THSD1: variants seen among roughly 807,000 people sequenced by gnomAD.
THSD1 encodes thrombospondin type-1 domain-containing protein 1.
A neutral mutation model predicts 46.3 loss-of-function variants in THSD1; 34 were observed. The observed-to-expected ratio is 0.74, with a 90% CI of 0.56 to 0.98. The LOEUF (loss-of-function observed/expected upper bound fraction) is 0.98. Among genes scored for constraint, THSD1 ranks in the 50% least tolerant of loss-of-function variants. THSD1 has a pLI of 0.00. For synonymous variants in THSD1, 407 were observed against 416.5 expected (o/e 0.98, Z 0.28); for missense variants, 1,023 against 1,058.3 (o/e 0.97, Z 0.46).
intron 2 of THSD1, among the ~76,000 whole-genome samples, chr13:52,400,945 G>A (rs532713395): frequency 9.0e-4 from 135 of 150,056 alleles, no homozygotes; most frequent in African/African-American, 3.4e-3. Flanking sequence ...GTTACATGTA[G>A]AGTAATCTGT....
At position 52,398,125 on chromosome 13, in the gene THSD1, T is replaced by A. The variant is rs765343717; in HGVS notation, c.128A>T (p.Tyr43Phe). Residue 43 changes from tyrosine (Y) to phenylalanine (F), a missense_variant, in exon 3 of 5, where the codon TAT (tyrosine) becomes TTT (phenylalanine). This residue lies in a region of THSD1 where 429 missense variants were observed against 518.3 expected (regional missense o/e 0.83). Coordinates refer to ENST00000258613, the MANE Select transcript of THSD1 (RefSeq NM_018676.4). ...ACCATCAAAATACTGGAAATCCACA[T>A]ACACTGTGTCGTTGCTTAGTGCTAC... is the stretch of plus-strand genomic sequence containing the variant. ...GHVALSNDTV[Y>F]VDFQYFDGAN... 9.3e-6 allele frequency: 15 copies of A among 1,614,114 alleles called. No individual in the cohort carries two copies. The highest frequency in any genetic ancestry group is 1.2e-5 in the Non-Finnish European group (14 of 1,180,054).
At position 52,397,628 on chromosome 13, in the gene THSD1, A is replaced by C; in HGVS notation, c.625T>G (p.Leu209Val). 6.2e-7 allele frequency: 1 copy of C among 1,614,208 alleles called. No individual in the cohort carries two copies. Among genetic ancestry groups the C allele is most frequent in the Non-Finnish European group, 8.5e-7 (1 of 1,180,036 alleles). Residue 209 changes from leucine (L) to valine (V), a missense_variant, in exon 3 of 5, where the codon TTG becomes GTG. By Grantham distance (32) the Leu-to-Val change is conservative (BLOSUM62 1). This residue lies in a region of THSD1 where 429 missense variants were observed against 518.3 expected (regional missense o/e 0.83). Transcript: ENST00000258613. ...ACGGTGACATAGGCTTCTGGCCCCA[A>C]GGGTGCACAGCCAAACTCAACCCAC... is the stretch of plus-strand genomic sequence containing the variant. The part of the protein sequence containing the change: ...GQWVEFGCAP[L>V]GPEAYVTVVL...
rs771345373 is a variant in THSD1 at position 52,378,277 on chromosome 13, C to T, written c.1693G>A (p.Asp565Asn). The stretch of plus-strand genomic sequence containing the variant: ...TCTAAGGGAGCGCTGGGGGCCGCAT[C>T]AATGGCAGTGTCTGTCAGGGGACTC... ...SQSPLTDTAI[D>N]AAPSAPLDLE... Residue 565 changes from aspartate to asparagine, a missense_variant, in exon 5 of 5, where the codon GAT becomes AAT. By Grantham distance (23) the Asp-to-Asn change is conservative. Around this residue, in one of 3 missense-constraint regions of THSD1, gnomAD observed 578 missense variants for 497.4 expected, o/e 1.16. Coordinates refer to ENST00000258613, the MANE Select transcript of THSD1 (RefSeq NM_018676.4). 6.2e-6 allele frequency: 10 copies of T among 1,614,236 alleles called. No homozygotes were observed. The South Asian group carries it at 9.9e-5, about 16-fold the overall frequency.
chr13:52,379,886 G>A (rs746691938), intron 4 of THSD1, among the ~76,000 whole-genome samples: 2 of 152,166 alleles, frequency 1.3e-5, no homozygotes, highest in Non-Finnish European at 1.5e-5. Flanking sequence ...AATGCAAAAT[G>A]ATTTAGGTAG....
intron 2 of THSD1, chr13:52,398,475 C>G (rs912188333): frequency 2.2e-6 from 2 of 905,456 alleles, no homozygotes; most frequent in Non-Finnish European, 2.6e-6. Context: ...CTCTTGGGCT[C>G]AAGCAATCCT....
At position 52,378,204 on chromosome 13, in the gene THSD1, G is replaced by C. The variant is rs1181437805; in HGVS notation, c.1766C>G (p.Ser589Cys). Residue 589 changes from serine (S) to cysteine (C), a missense_variant, in exon 5 of 5, where the codon TCC (serine) becomes TGC (cysteine). Around this residue, in one of 3 missense-constraint regions of THSD1, gnomAD observed 578 missense variants for 497.4 expected, o/e 1.16. Transcript: ENST00000258613. ...GACCGCGGGCTGCTCCGGAAATGGG[G>C]ATTTGATCCGGAACTTGTTTGCTGC... ...EAAANKFRIK[S>C]PFPEQPAVSA... is the part of the protein sequence containing the mutation. 3.7e-6 allele frequency: 6 copies of C among 1,614,212 alleles called. No homozygotes were observed. Among genetic ancestry groups the C allele is most frequent in the Non-Finnish European group, 5.1e-6 (6 of 1,180,040 alleles).
chr13:52,395,489 C>T (rs1364681925), intron 3 of THSD1, among the ~76,000 whole-genome samples: 1 of 152,122 alleles, frequency 6.6e-6, no homozygotes, highest in East Asian at 1.9e-4. Context: ...AATGCTGCTT[C>T]TGAGGTGCCA....
At chr13:52,382,705 A>G (rs1403308380) in intron 4 of THSD1, among the ~76,000 whole-genome samples, 1 of 152,100 alleles carries the variant, frequency 6.6e-6, no homozygotes, top group Non-Finnish European at 1.5e-5. Flanking sequence ...CTTCAGCTCA[A>G]ATATCACCTC....
chr13:52,401,053 C>A (rs1166085953), intron 2 of THSD1, among the ~76,000 whole-genome samples: 1 of 152,152 alleles, frequency 6.6e-6, no homozygotes, highest in East Asian at 1.9e-4. Context: ...CGGCTCACCA[C>A]AACCTCCGCC....
At chr13:52,380,268 A>T (rs1279095790) in intron 4 of THSD1, among the ~76,000 whole-genome samples, 1 of 151,768 alleles carries the variant, frequency 6.6e-6, no homozygotes, top group Admixed American at 6.6e-5. Context: ...CACCAGTCCT[A>T]TGGCTTTTTT....
At position 52,377,961 on chromosome 13, in the gene THSD1, A is replaced by ATGC. The variant is rs1184905106; in HGVS notation, c.2006_2008dup (p.Ser669dup). 1.9e-5 allele frequency: 30 copies of ATGC among 1,613,982 alleles called. No individual in the cohort carries two copies. The highest frequency in any genetic ancestry group is 3.3e-5 in the Admixed American group (2 of 60,000). On this transcript the variant is annotated inframe_insertion, in exon 5 of 5. Coordinates refer to ENST00000258613, the MANE Select transcript of THSD1 (RefSeq NM_018676.4). The stretch of plus-strand genomic sequence containing the variant: ...GGCCTGCCGTGGAGTCAGAGTGGAC[A>ATGC]TGCTCCTCTCTCGGAACGGCCGGGC...
Position 52,377,494 on chromosome 13 carries a change from T to A in THSD1, c.2476A>T (p.Met826Leu), listed in dbSNP as rs764315017. The A allele has an allele frequency of 3.2e-6, 5 of 1,584,906 alleles. No individual in the cohort carries two copies. In the African/African-American group the frequency reaches 5.4e-5, roughly 17 times the overall value. The change falls in exon 5 of 5, where the codon ATG (methionine) becomes TTG (leucine). Residue 826 changes from methionine to leucine, a missense_variant. Met to Leu is a conservative substitution (Grantham distance 15). Around this residue, in one of 3 missense-constraint regions of THSD1, gnomAD observed 16 missense variants for 42.6 expected, o/e 0.38. Coordinates refer to ENST00000258613, the MANE Select transcript of THSD1 (RefSeq NM_018676.4). ...SFGLTEAEQR[M>L]LDLPGYFGSN... is the part of the protein sequence containing the mutation. Reference sequence around the variant, plus strand: ...CCAAAATATCCTGGGAGGTCCAGCATCCTCTGCTCAGCCTCAGTGAGGCCA... The same window carrying A: ...CCAAAATATCCTGGGAGGTCCAGCAACCTCTGCTCAGCCTCAGTGAGGCCA...
At chr13:52,384,710 A>C (rs577847607) in intron 4 of THSD1, among the ~76,000 whole-genome samples, 2 of 152,330 alleles carry the variant, frequency 1.3e-5, no homozygotes, top group African/African-American at 4.8e-5. Flanking sequence ...TCAGATATGA[A>C]ATGTCTGAAC....
chr13:52,400,364 G>A (rs1034447129), intron 2 of THSD1, among the ~76,000 whole-genome samples: 3 of 152,130 alleles, frequency 2.0e-5, no homozygotes, highest in Non-Finnish European at 2.9e-5. Context: ...TTGGGAGGCC[G>A]AGATGGGTGG....
chr13:52,380,687 A>G (rs1249892723), intron 4 of THSD1, among the ~76,000 whole-genome samples: 1 of 151,910 alleles, frequency 6.6e-6, no homozygotes, highest in African/African-American at 2.4e-5. Flanking sequence ...TGACCTCGTG[A>G]TCTGCCTAAC....
At chr13:52,393,529 A>T (rs1957788678) in intron 3 of THSD1, among the ~76,000 whole-genome samples, 2 of 152,094 alleles carry the variant, frequency 1.3e-5, no homozygotes, top group East Asian at 3.9e-4. Flanking sequence ...ATGGCAGTGC[A>T]TGCCTGTACT....
chr13:52,381,712 C>T (rs997609125), intron 4 of THSD1, among the ~76,000 whole-genome samples: 4 of 152,196 alleles, frequency 2.6e-5, no homozygotes, highest in Non-Finnish European at 5.9e-5. Context: ...CAGCAATTAT[C>T]TCCAGCTGCT....
At chr13:52,395,233 T>G (rs1026712414) in intron 3 of THSD1, among the ~76,000 whole-genome samples, 3 of 152,108 alleles carry the variant, frequency 2.0e-5, no homozygotes, top group African/African-American at 7.2e-5. Context: ...GGAAACCAAT[T>G]AGGAATCTGT....
chr13:52,402,182 T>C (rs1957868878), intron 2 of THSD1, among the ~76,000 whole-genome samples: 1 of 152,234 alleles, frequency 6.6e-6, no homozygotes, highest in South Asian at 2.1e-4. Context: ...TGAAATCTTA[T>C]GTAGAACCCT....
Sources: gnomAD v4.1 joint callset for allele counts (sites outside exome capture counted in the v4.1 genomes callset) on GRCh38, gnomAD v4.1.1 for gene constraint, gnomAD v4.1.1 regional missense constraint, MANE v1.5 for transcripts, NCBI Gene and HGNC (gene_info 2026-07-23, HGNC 2026-07-21) for gene names.